FOXP1: variants seen among roughly 807,000 people sequenced by gnomAD.
The protein encoded by FOXP1 is forkhead box P1.
A neutral mutation model predicts 98.2 loss-of-function variants in FOXP1; 15 were observed. The ratio of observed to expected loss-of-function variants is 0.15; its 90% confidence interval spans 0.10 to 0.24. The LOEUF (loss-of-function observed/expected upper bound fraction) is 0.24. Among genes scored for constraint, FOXP1 ranks in the 10% least tolerant of loss-of-function variants. FOXP1 has a pLI of 1.00. For synonymous variants in FOXP1, 371 were observed against 314.5 expected (o/e 1.18, Z -1.90); for missense variants, 633 against 848.5 (o/e 0.75, Z 3.15).
At chr3:71,350,150 T>C (rs2077684393) in intron 4 of FOXP1, among the ~76,000 whole-genome samples, 1 of 152,208 alleles carries the variant, frequency 6.6e-6, no homozygotes, top group Non-Finnish European at 1.5e-5. Context: ...TCCCACCACT[T>C]ACATTCTTTA....
chr3:71,378,646 G>A (rs989894370), intron 3 of FOXP1, among the ~76,000 whole-genome samples: 4 of 151,972 alleles, frequency 2.6e-5, no homozygotes, highest in African/African-American at 9.7e-5. Context: ...CCTCAAAGTC[G>A]AAGAGTAGTG....
At chr3:71,327,492 A>AT (rs1330833258) in intron 4 of FOXP1, among the ~76,000 whole-genome samples, 1 of 144,278 alleles carries the variant, frequency 6.9e-6, no homozygotes, top group Non-Finnish European at 1.5e-5. Flanking sequence ...GGTTCACGCC[A>AT]TTCTCCTGCC....
At chr3:71,004,250 A>T (rs1454545438) in intron 12 of FOXP1, among the ~76,000 whole-genome samples, 1 of 152,146 alleles carries the variant, frequency 6.6e-6, no homozygotes, top group East Asian at 1.9e-4. Context: ...GTCAGCAGAA[A>T]TAGCTCTGGG....
chr3:71,314,141 A>C lies in FOXP1; in HGVS notation c.-72-14261T>G, dbSNP rs1202750344. On this transcript the variant is annotated intron_variant, in intron 4 of 20. Coordinates refer to ENST00000649528, the MANE Select transcript of FOXP1 (RefSeq NM_001349338.3). Reference sequence around the variant, plus strand: ...TATGGCACAAAGTGAATGCTCAAAGAAATGATGGCTGCCGTTATTACGATC... The same window carrying C: ...TATGGCACAAAGTGAATGCTCAAAGCAATGATGGCTGCCGTTATTACGATC... 2.0e-5 allele frequency among the ~76,000 whole-genome samples: 3 copies of C among 152,244 alleles called. No homozygotes were observed. The East Asian group carries it at 5.8e-4, about 29-fold the overall frequency.
chr3:71,091,488 T>TCAAAACAAAA lies in FOXP1; in HGVS notation c.282+21038_282+21047dup, dbSNP rs3064143. On this transcript the variant is annotated intron_variant, in intron 7 of 20. Coordinates refer to ENST00000649528, the MANE Select transcript of FOXP1 (RefSeq NM_001349338.3). ...CTGGGTGACAGAGCAAGACTCCGTCTCAAAACAAAACAAAACAAAACAAAA... is the reference window on the plus strand; with the variant it reads ...CTGGGTGACAGAGCAAGACTCCGTCTCAAAACAAAACAAAACAAAACAAAACAAAACAAAA... 3.6e-3 allele frequency among the ~76,000 whole-genome samples: 538 copies of TCAAAACAAAA among 150,118 alleles called. 3 individuals carry two copies. The highest frequency in any genetic ancestry group is 0.012 in the African/African-American group (487 of 40,234).
chr3:71,051,005 T>C (rs2049810611), intron 9 of FOXP1, among the ~76,000 whole-genome samples: 1 of 152,186 alleles, frequency 6.6e-6, no homozygotes, highest in Non-Finnish European at 1.5e-5. Flanking sequence ...ACAATAATCA[T>C]TTCTTTGTCC....
intron 3 of FOXP1, among the ~76,000 whole-genome samples, chr3:71,380,607 A>G (rs2080073726): frequency 6.6e-6 from 1 of 152,186 alleles, no homozygotes; most frequent in Non-Finnish European, 1.5e-5. Context: ...TACCATCGAC[A>G]ACACTTTACA....
At chr3:71,551,659 A>G (rs989680872) in intron 2 of FOXP1, among the ~76,000 whole-genome samples, 38 of 152,236 alleles carry the variant, frequency 2.5e-4, no homozygotes, top group Non-Finnish European at 5.0e-4. Context: ...TCTATTCAAA[A>G]ACCAATTTTA....
chr3:71,332,473 C>G (rs1236987281), intron 4 of FOXP1: 1 of 174,808 alleles, frequency 5.7e-6, no homozygotes, highest in Non-Finnish European at 1.2e-5. Context: ...CCCACCAATT[C>G]CGGACACACC....
chr3:71,570,595 G>A (rs2047265765), intron 2 of FOXP1: 1 of 152,220 alleles, frequency 6.6e-6, no homozygotes, highest in Non-Finnish European at 1.5e-5. Flanking sequence ...AAAATACAGA[G>A]GGATCCAGCA....
At chr3:71,347,670 G>A (rs2077452214) in intron 4 of FOXP1, among the ~76,000 whole-genome samples, 1 of 152,134 alleles carries the variant, frequency 6.6e-6, no homozygotes, top group African/African-American at 2.4e-5. Flanking sequence ...TGGATCACCT[G>A]AGGTCGGGGG....
chr3:71,255,936 AAG>A (rs531760466), intron 5 of FOXP1, among the ~76,000 whole-genome samples: 28 of 152,190 alleles, frequency 1.8e-4, no homozygotes, highest in Non-Finnish European at 3.7e-4. Context: ...TAGGGAAAAA[AAG>A]ACTGTCTTCC....
intron 3 of FOXP1, among the ~76,000 whole-genome samples, chr3:71,486,523 G>A (rs566778637): frequency 8.5e-5 from 13 of 152,142 alleles, no homozygotes; most frequent in South Asian, 8.3e-4. Context: ...CTATTATTAC[G>A]GGCCAAGAGG....
chr3:71,252,272 C>G (rs1438869735), intron 5 of FOXP1, among the ~76,000 whole-genome samples: 3 of 152,302 alleles, frequency 2.0e-5, no homozygotes, highest in Non-Finnish European at 4.4e-5. Context: ...CCTAACCCCA[C>G]ACTCAGACAT....
At chr3:71,166,322 G>A (rs572151025) in intron 6 of FOXP1, among the ~76,000 whole-genome samples, 3 of 152,260 alleles carry the variant, frequency 2.0e-5, no homozygotes, top group Admixed American at 6.5e-5. Context: ...CCATCACAGA[G>A]CCATGAATCA....
At chr3:71,069,087 A>G (rs1340426167) in intron 7 of FOXP1, among the ~76,000 whole-genome samples, 1 of 152,254 alleles carries the variant, frequency 6.6e-6, no homozygotes, top group African/African-American at 2.4e-5. Flanking sequence ...TATGTTGACA[A>G]TGAAGCTAAT....
intron 2 of FOXP1, among the ~76,000 whole-genome samples, chr3:71,547,096 T>G (rs943978202): frequency 6.6e-6 from 1 of 152,244 alleles, no homozygotes; most frequent in Non-Finnish European, 1.5e-5. Flanking sequence ...AATAAAACTC[T>G]TATGAAATAC....
intron 6 of FOXP1, among the ~76,000 whole-genome samples, chr3:71,181,836 T>C (rs1181191405): frequency 6.6e-6 from 1 of 151,866 alleles, no homozygotes; most frequent in East Asian, 1.9e-4. Context: ...ATCAAGACTA[T>C]CCTGGCTAAC....
intron 5 of FOXP1, among the ~76,000 whole-genome samples, chr3:71,277,028 G>A (rs1281871210): frequency 2.0e-5 from 3 of 148,680 alleles, no homozygotes; most frequent in African/African-American, 5.0e-5. Flanking sequence ...GTGCCATCTC[G>A]GCTCACTGCA....
Sources: gnomAD v4.1 joint callset for allele counts (sites outside exome capture counted in the v4.1 genomes callset) on GRCh38, gnomAD v4.1.1 for gene constraint, MANE v1.5 for transcripts, NCBI Gene and HGNC (gene_info 2026-07-23, HGNC 2026-07-21) for gene names.